Variants in ORMDL1 observed in about 807,000 individuals in gnomAD.
The protein encoded by ORMDL1 is ORMDL sphingolipid biosynthesis regulator 1.
ORMDL1 carries 10 observed loss-of-function variants against 13.0 expected under a neutral mutation model. The ratio of observed to expected loss-of-function variants is 0.77; its 90% CI spans 0.47 to 1.30. ORMDL1 has a LOEUF of 1.30. Among genes scored for constraint, ORMDL1 ranks in the 50% most tolerant of loss-of-function variants. The pLI is 0.00. For synonymous variants in ORMDL1, 61 were observed against 63.9 expected (o/e 0.95, Z 0.22); for missense variants, 171 against 186.7 (o/e 0.92, Z 0.49).
rs2048045176 is a variant in ORMDL1 at position 189,784,329 on chromosome 2, G to C, written c.-178C>G. 1 of 152,352 alleles carries C rather than the reference G, an allele frequency of 6.6e-6. No individual in the cohort carries two copies. The highest frequency in any genetic ancestry group is 2.4e-5 in the African/African-American group (1 of 41,470). The allele number at this position is 152,352 out of a possible 1,614,324, so 9.4% of individuals were successfully genotyped here. ...GACCAGCCCGGCTGCTACGGCCGCG[G>C]ATACACGCCCTCAGGCCCGGCGCTG... On this transcript the variant is annotated 5_prime_UTR_variant, in exon 1 of 5. It adds an upstream start codon to the 5' untranslated region. Transcript: ENST00000392349.
At position 189,771,351 on chromosome 2, in the gene ORMDL1, G is replaced by C. The variant is rs1432474086; in HGVS notation, c.*416C>G. On this transcript the variant is annotated 3_prime_UTR_variant, in exon 5 of 5. Coordinates refer to ENST00000392349, the MANE Select transcript of ORMDL1 (RefSeq NM_016467.5). ...AATCTTTAATAAACTTGTATAGAGAGGATTCCGGTTTACATGTAAGTCTGC... is the reference window on the plus strand; with the variant it reads ...AATCTTTAATAAACTTGTATAGAGACGATTCCGGTTTACATGTAAGTCTGC... The C allele has an allele frequency of 6.5e-6, 1 of 153,662 alleles. No individual in the cohort carries two copies. The highest frequency in any genetic ancestry group is 2.4e-5 in the African/African-American group (1 of 41,514). The allele number at this position is 153,662 out of a possible 1,614,324, so 9.5% of individuals were successfully genotyped here. A position where few individuals can be genotyped will look rare whatever the true frequency, so the allele number is the denominator to read the frequency against.
rs1016447512 is a variant in ORMDL1, at chr2:189,782,685, T to C, written c.-7-83A>G. 1.3e-5 allele frequency: 17 copies of C among 1,285,084 alleles called. No homozygotes were observed. In the African/African-American group the frequency reaches 2.2e-4, roughly 17 times the overall value. The allele number at this position is 1,285,084 out of a possible 1,614,324, so 79.6% of individuals were successfully genotyped here. On this transcript the variant is annotated intron_variant, in intron 2 of 4. Transcript: ENST00000392349. Reference sequence around the variant, plus strand: ...ATTCTGACATGACAAGGTACCTGTGTTGCGAGGATTATTTTTTCCTAGTTA... The same window carrying C: ...ATTCTGACATGACAAGGTACCTGTGCTGCGAGGATTATTTTTTCCTAGTTA...
At chr2:189,765,227 C>T in the ORMDL1 span, 1 of 152,138 alleles carries the variant, frequency 6.6e-6, no homozygotes, top group Non-Finnish European at 1.5e-5. Context: ...TTCCTTTATG[C>T]TAGGAACTTT....
rs1446062079 is a variant in ORMDL1 at position 189,782,465 on chromosome 2, C to G, written c.131G>C (p.Ser44Thr). 6.2e-7 allele frequency: 1 copy of G among 1,614,010 alleles called. No individual in the cohort carries two copies. Residue 44 changes from serine to threonine, a missense_variant, in exon 3 of 5, where the codon AGT becomes ACT. Coordinates refer to ENST00000392349, the MANE Select transcript of ORMDL1 (RefSeq NM_016467.5). ...HIVLLSIPFF[S>T]VPVAWTLTNI... Reference sequence around the variant, plus strand: ...TGTTAAAGTCCAAGCAACAGGAACACTGAAGAAGGGAATGCTGAGTAAGAC... The same window carrying G: ...TGTTAAAGTCCAAGCAACAGGAACAGTGAAGAAGGGAATGCTGAGTAAGAC...
At chr2:189,777,093 ATAAT>A (rs2047713633) in intron 3 of ORMDL1, among the ~76,000 whole-genome samples, 1 of 152,194 alleles carries the variant, frequency 6.6e-6, no homozygotes, top group South Asian at 2.1e-4. Context: ...CTCATTAGTA[ATAAT>A]TAATCTCCTC....
At position 189,770,347 on chromosome 2, in the gene ORMDL1, TATTAA is replaced by T. The variant is rs1040135228; in HGVS notation, c.*1415_*1419del. 60 of 152,318 alleles carry T rather than the reference TATTAA, an allele frequency of 3.9e-4. No individual in the cohort carries two copies. The highest frequency in any genetic ancestry group is 1.3e-3 in the African/African-American group (56 of 41,590). 9.4% of individuals were successfully genotyped at this position (152,318 alleles called of 1,614,324 possible). ...ATAATATTACACCAACGAAAAATTT[TATTAA>T]ATTATAGATCACCAGTTATTTAAAA... On this transcript the variant is annotated 3_prime_UTR_variant, in exon 5 of 5. Transcript: ENST00000392349.
Position 189,770,966 on chromosome 2 carries a change from A to C in ORMDL1, c.*801T>G, listed in dbSNP as rs2047565074. On this transcript the variant is annotated 3_prime_UTR_variant, in exon 5 of 5. Transcript: ENST00000392349. ...AATTAAATTGTTCAACCAAATAAGC[A>C]GACACCTTTAAATTACCATATATTT... The C allele has an allele frequency of 1.3e-5, 2 of 152,226 alleles. No homozygotes were observed. The highest frequency in any genetic ancestry group is 4.8e-5 in the African/African-American group (2 of 41,462). The allele number at this position is 152,226 out of a possible 1,614,324, so 9.4% of individuals were successfully genotyped here.
At chr2:189,776,417 A>G (rs1209376973) in intron 3 of ORMDL1, among the ~76,000 whole-genome samples, 2 of 152,142 alleles carry the variant, frequency 1.3e-5, no homozygotes, top group African/African-American at 2.4e-5. Context: ...AATAGGGTAG[A>G]AAAAAACCAA....
At chr2:189,774,562 T>TAA (rs1344988377) in intron 4 of ORMDL1, among the ~76,000 whole-genome samples, 1 of 152,214 alleles carries the variant, frequency 6.6e-6, no homozygotes, top group Non-Finnish European at 1.5e-5. Context: ...ATCATGGACA[T>TAA]TATTATGTAT....
In ORMDL1 at chr2:189,771,719, T is replaced by G. The variant is rs2047582472; in HGVS notation, c.*48A>C. 4 of 1,495,362 alleles carry G rather than the reference T, an allele frequency of 2.7e-6. No homozygotes were observed. In the East Asian group the frequency reaches 9.4e-5, roughly 35 times the overall value. The allele number at this position is 1,495,362 out of a possible 1,614,324, so 92.6% of individuals were successfully genotyped here. A position where few individuals can be genotyped will look rare whatever the true frequency, so the allele number is the denominator to read the frequency against. The stretch of plus-strand genomic sequence containing the variant: ...TGCAGTTTACTAACCACTCCTTCCT[T>G]ATAAGAAATTCAGTAGCTGTAAAAT... On this transcript the variant is annotated 3_prime_UTR_variant, in exon 5 of 5. Transcript: ENST00000392349.
intron 3 of ORMDL1, among the ~76,000 whole-genome samples, chr2:189,779,526 T>C (rs1397224048): frequency 3.3e-5 from 5 of 152,232 alleles, no homozygotes; most frequent in African/African-American, 1.2e-4. Flanking sequence ...GTATAGCCTC[T>C]ATTTAGAGAT....
intron 3 of ORMDL1, among the ~76,000 whole-genome samples, chr2:189,781,776 T>C (rs1038057602): frequency 2.6e-5 from 4 of 152,176 alleles, no homozygotes; most frequent in African/African-American, 9.7e-5. Context: ...TTAAGTCTTA[T>C]ATACTAAAAA....
the ORMDL1 span, chr2:189,764,384 T>C: frequency 6.6e-6 from 1 of 152,246 alleles, no homozygotes; most frequent in Non-Finnish European, 1.5e-5. Context: ...TTGTGTGTGC[T>C]ATCATTGGTA....
At chr2:189,764,221 G>T in the ORMDL1 span, 1 of 152,242 alleles carries the variant, frequency 6.6e-6, no homozygotes. Context: ...TAGTCATACG[G>T]TTAGAGAGGT....
intron 4 of ORMDL1, 86 bp downstream of exon 4, chr2:189,775,479 T>A: frequency 7.2e-7 from 1 of 1,385,492 alleles, no homozygotes; most frequent in Non-Finnish European, 9.7e-7. Flanking sequence ...TGCAACAAAA[T>A]ATGTTTCTAA....
At chr2:189,766,121 A>G (rs2047479875), downstream of ORMDL1, among the ~76,000 whole-genome samples, 1 of 151,978 alleles carries the variant, frequency 6.6e-6, no homozygotes. Context: ...CACCACGCCC[A>G]GCCCATCCTT....
At position 189,782,575 on chromosome 2, in the gene ORMDL1, G is replaced by A; in HGVS notation, c.21C>T (p.His7=). Reference sequence around the variant, plus strand: ...CACGGGTATTTGGATTCACTTCACTGTGGGCAACTCCAACGTTCATGTTTG... The same window carrying A: ...CACGGGTATTTGGATTCACTTCACTATGGGCAACTCCAACGTTCATGTTTG... MNVGVA[H]SEVNPNTRVM... The change falls in exon 3 of 5, where the codon CAC becomes CAT. Residue 7 remains histidine (H), a synonymous_variant. Transcript: ENST00000392349. 1 of 1,614,114 alleles carries A rather than the reference G, an allele frequency of 6.2e-7. No homozygotes were observed. The highest frequency in any genetic ancestry group is 8.5e-7 in the Non-Finnish European group (1 of 1,180,004).
intron 4 of ORMDL1, chr2:189,773,908 T>G (rs2047635791): frequency 6.6e-6 from 1 of 152,186 alleles, no homozygotes; most frequent in Admixed American, 6.5e-5. Context: ...AAATACATTT[T>G]GAGAAATATG....
intron 3 of ORMDL1, among the ~76,000 whole-genome samples, chr2:189,780,872 C>G (rs913878753): frequency 6.6e-6 from 1 of 152,118 alleles, no homozygotes; most frequent in African/African-American, 2.4e-5. Flanking sequence ...CATTCTTATC[C>G]TCCTCCAGTC....
Sources: allele counts gnomAD v4.1 joint callset (sites outside exome capture counted in the v4.1 genomes callset), GRCh38; gene constraint gnomAD v4.1.1; transcripts MANE v1.5; gene names NCBI Gene and HGNC (gene_info 2026-07-23, HGNC 2026-07-21).